The following SLC44A5 variants were observed in gnomAD, a reference collection of about 807,000 sequenced individuals.
SLC44A5 encodes the protein solute carrier family 44 member 5.
SLC44A5 carries 57 observed loss-of-function variants against 101.8 expected under a neutral mutation model. The observed-to-expected ratio is 0.56, with a 90% CI of 0.45 to 0.70. The LOEUF (loss-of-function observed/expected upper bound fraction) is 0.70. SLC44A5 is among the 30% of genes least tolerant of loss of function. The probability of loss-of-function intolerance (pLI) is 0.00; values close to 1 mark genes in which losing one functional copy is unlikely to be tolerated. For synonymous variants in SLC44A5, 281 were observed against 290.9 expected, an observed-to-expected ratio of 0.97 and a Z score of 0.35; for missense variants, 737 against 853.1, an observed-to-expected ratio of 0.86 and a Z score of 1.70.
rs1557614200 is a variant in SLC44A5, at chr1:75,280,434, T to TTATATATTGTATATAA, written c.176-5393_176-5392insTTATATACAATATATA. 3.1e-4 allele frequency among the ~76,000 whole-genome samples: 10 copies of TTATATATTGTATATAA among 31,980 alleles called. 1 individual carries two copies. The highest frequency in any genetic ancestry group is 1.1e-3 in the African/African-American group (9 of 8,316). 21.0% of individuals were successfully genotyped at this position (31,980 alleles called of 152,430 possible). ...ATATATAATATATATATTGTATATA[T>TTATATATTGTATATAA]TATATATAGTATATATTATATATAG... On this transcript the variant is annotated intron_variant, in intron 5 of 23. Transcript: ENST00000370859.
intron 5 of SLC44A5, among the ~76,000 whole-genome samples, chr1:75,281,653 C>G (rs186261276): frequency 0.023 from 2,352 of 102,052 alleles, 245 homozygotes; most frequent in African/African-American, 0.076. Flanking sequence ...CCCCCCCCCG[C>G]TGCATTTAGC....
chr1:75,573,868 G>A (rs1346227907), intron 1 of SLC44A5, among the ~76,000 whole-genome samples: 1 of 152,078 alleles, frequency 6.6e-6, no homozygotes, highest in Non-Finnish European at 1.5e-5. Flanking sequence ...CATGTACAAT[G>A]TTTTGGCCAC....
chr1:75,435,897 A>C (rs572951527), intron 2 of SLC44A5, among the ~76,000 whole-genome samples: 3 of 152,116 alleles, frequency 2.0e-5, no homozygotes, highest in African/African-American at 7.2e-5. Flanking sequence ...ACACATACAC[A>C]TGCTCACAAA....
intron 2 of SLC44A5, among the ~76,000 whole-genome samples, chr1:75,518,101 A>G (rs1361371889): frequency 6.6e-6 from 1 of 152,258 alleles, no homozygotes; most frequent in African/African-American, 2.4e-5. Flanking sequence ...AATATTGGCC[A>G]TAAGTTCATT....
intron 2 of SLC44A5, among the ~76,000 whole-genome samples, chr1:75,411,772 TA>T (rs1353822013): frequency 3.9e-5 from 6 of 152,140 alleles, no homozygotes; most frequent in African/African-American, 1.2e-4. Context: ...GATACACTTT[TA>T]ATAGGACTTC....
intron 2 of SLC44A5, among the ~76,000 whole-genome samples, chr1:75,448,533 T>C (rs899850429): frequency 1.3e-5 from 2 of 152,180 alleles, no homozygotes; most frequent in African/African-American, 2.4e-5. Flanking sequence ...TAATAGATAC[T>C]GGGGTATTTA....
intron 2 of SLC44A5, among the ~76,000 whole-genome samples, chr1:75,466,695 A>G (rs975472803): frequency 6.6e-6 from 1 of 151,722 alleles, no homozygotes; most frequent in African/African-American, 2.4e-5. Flanking sequence ...ACATACCTCA[A>G]TAGAATAAAA....
rs763157067 is a variant in SLC44A5 at position 75,217,924 on chromosome 1, A to T, written c.1566T>A (p.Ile522=). ...TTTTAAACATTTGAATTAATGCAATAATTAAAGATCCAAATGCTAGGGATC... is the reference window on the plus strand; with the variant it reads ...TTTTAAACATTTGAATTAATGCAATTATTAAAGATCCAAATGCTAGGGATC... ...HTGSLAFGSL[I]IALIQMFKIV... Residue 522 remains isoleucine (I), a synonymous_variant, in exon 18 of 24, where the codon ATT becomes ATA. Transcript: ENST00000370859. 1.2e-6 allele frequency: 2 copies of T among 1,606,254 alleles called. No individual in the cohort carries two copies. The highest frequency in any genetic ancestry group is 1.7e-5 in the Admixed American group (1 of 59,934).
intron 2 of SLC44A5, among the ~76,000 whole-genome samples, chr1:75,479,747 T>A (rs1320744996): frequency 1.3e-5 from 2 of 152,144 alleles, no homozygotes; most frequent in African/African-American, 4.8e-5. Context: ...TCTGAAATTG[T>A]GGCAATAATC....
chr1:75,723,456 C>T, the SLC44A5 span, among the ~76,000 whole-genome samples: 5 of 152,014 alleles, frequency 3.3e-5, no homozygotes, highest in Non-Finnish European at 7.4e-5. Flanking sequence ...CAGGAACTAC[C>T]GACTAGACAT....
At chr1:75,661,601 ACTAT>A in the SLC44A5 span, among the ~76,000 whole-genome samples, 1 of 151,944 alleles carries the variant, frequency 6.6e-6, no homozygotes, top group African/African-American at 2.4e-5. Flanking sequence ...ATGTTTGCAA[ACTAT>A]CTATCTGACA....
intron 5 of SLC44A5, among the ~76,000 whole-genome samples, chr1:75,295,194 AAAATT>A (rs10551128): frequency 0.17 from 26,022 of 152,114 alleles, 2,392 homozygotes; most frequent in South Asian, 0.24. Context: ...ATAAAGCTAA[AAAATT>A]AAATTAAATT....
intron 2 of SLC44A5, among the ~76,000 whole-genome samples, chr1:75,512,689 T>C (rs573593985): frequency 1.2e-4 from 19 of 152,154 alleles, no homozygotes; most frequent in Non-Finnish European, 2.5e-4. Flanking sequence ...TAAGAGTATA[T>C]TGGAGGTAAT....
chr1:75,620,839 A>G, the SLC44A5 span, among the ~76,000 whole-genome samples: 2 of 152,078 alleles, frequency 1.3e-5, no homozygotes, highest in African/African-American at 4.8e-5. Flanking sequence ...GTTTACTTAG[A>G]TCCCATTTGT....
intron 7 of SLC44A5, among the ~76,000 whole-genome samples, chr1:75,246,119 G>A (rs1649086125): frequency 6.6e-6 from 1 of 152,012 alleles, no homozygotes. Context: ...CACCACAAAG[G>A]GCACTTTGCA....
Position 75,601,087 on chromosome 1 carries a change from A to G in SLC44A5, c.-70+9953T>C, listed in dbSNP as rs113838241. Among the ~76,000 whole-genome samples, 191 of 152,318 alleles carry G rather than the reference A, an allele frequency of 1.3e-3. 1 individual carries two copies. Among genetic ancestry groups the G allele is most frequent in the African/African-American group, 4.4e-3 (184 of 41,570 alleles). On this transcript the variant is annotated intron_variant, in intron 1 of 23. Transcript: ENST00000370859. ...CCTGTCTACCCATAGTGGAAAACAC[A>G]ATGAGTTCCATGAGTGACATTGTTC...
chr1:75,308,158 A>T (rs914491594), intron 4 of SLC44A5, among the ~76,000 whole-genome samples: 1 of 152,208 alleles, frequency 6.6e-6, no homozygotes, highest in Non-Finnish European at 1.5e-5. Flanking sequence ...ACCCTATGAA[A>T]AAACAGTATA....
At chr1:75,378,530 T>G (rs376201803) in intron 3 of SLC44A5, among the ~76,000 whole-genome samples, 5,730 of 45,384 alleles carry the variant, frequency 0.13, 16 homozygotes, top group East Asian at 0.18. Context: ...TGGAAGCTGT[T>G]TAATAGATTG....
At chr1:75,405,482 AG>A (rs1662787969) in intron 2 of SLC44A5, among the ~76,000 whole-genome samples, 1 of 152,340 alleles carries the variant, frequency 6.6e-6, no homozygotes, top group East Asian at 1.9e-4. Flanking sequence ...CAAATGCAAA[AG>A]AATGGAAATC....
Sources: gnomAD v4.1 joint callset for allele counts (sites outside exome capture counted in the v4.1 genomes callset) on GRCh38, gnomAD v4.1.1 for gene constraint, MANE v1.5 for transcripts, NCBI Gene and HGNC (gene_info 2026-07-23, HGNC 2026-07-21) for gene names.